The following AP3B1 variants were observed in gnomAD, a reference collection of about 807,000 sequenced individuals.
The protein encoded by AP3B1 is adaptor related protein complex 3 subunit beta 1.
AP3B1 carries 61 observed loss-of-function variants against 132.5 expected under a neutral mutation model. The ratio of observed to expected loss-of-function variants is 0.46; its 90% CI spans 0.37 to 0.57. The LOEUF (loss-of-function observed/expected upper bound fraction) is 0.57, where lower values mean the gene tolerates loss of function less well. Ranked by LOEUF, AP3B1 falls within the 20% of genes least tolerant of loss-of-function variation. AP3B1 has a pLI of 0.00. For missense variants in AP3B1, 1,120 were observed against 1,289.4 expected, an observed-to-expected ratio of 0.87 and a Z score of 2.01; for synonymous variants, 388 against 438.3, an observed-to-expected ratio of 0.89 and a Z score of 1.43.
chr5:78,264,055 G>A (rs1379576241), intron 2 of AP3B1, among the ~76,000 whole-genome samples: 1 of 152,088 alleles, frequency 6.6e-6, no homozygotes, highest in Non-Finnish European at 1.5e-5. Context: ...GTAAGCTTGT[G>A]TAAGTATACT....
chr5:78,194,448 C>T (rs994388526), intron 7 of AP3B1, among the ~76,000 whole-genome samples: 14 of 152,216 alleles, frequency 9.2e-5, no homozygotes, highest in African/African-American at 3.4e-4. Flanking sequence ...ATTTCTAATT[C>T]GTACTAATTA....
intron 1 of AP3B1, among the ~76,000 whole-genome samples, chr5:78,276,942 A>G (rs191502292): frequency 7.3e-4 from 111 of 151,864 alleles, no homozygotes; most frequent in Non-Finnish European, 1.4e-3. Context: ...TTAAAAATCA[A>G]TGATCTAAGT....
At chr5:78,010,808 T>C (rs566320892) in intron 26 of AP3B1, among the ~76,000 whole-genome samples, 2 of 152,288 alleles carry the variant, frequency 1.3e-5, no homozygotes, top group South Asian at 4.1e-4. Context: ...ACTTTATTTA[T>C]GTATTAGTTT....
At position 78,175,783 on chromosome 5, in the gene AP3B1, CCTTT is replaced by C; in HGVS notation, c.1092_1095del (p.Lys365GlyfsTer7). On this transcript the variant is annotated frameshift_variant and splice_region_variant, in exon 10 of 27. Coordinates refer to ENST00000255194, the MANE Select transcript of AP3B1 (RefSeq NM_003664.5). LOFTEE classifies it high-confidence loss of function. ...AAATTACGTGTTCAGAACATACATACCTTTCTTTGAATTGACATAGTTGCTATAT... is the reference window on the plus strand; with the variant it reads ...AAATTACGTGTTCAGAACATACATACCTTTGAATTGACATAGTTGCTATAT... 1 of 1,612,016 alleles carries C rather than the reference CCTTT, an allele frequency of 6.2e-7. No homozygotes were observed.
intron 8 of AP3B1, among the ~76,000 whole-genome samples, chr5:78,178,584 G>A (rs1308516632): frequency 1.3e-5 from 2 of 152,132 alleles, no homozygotes; most frequent in African/African-American, 4.8e-5. Context: ...TCATGCCACT[G>A]CACTCCAGCC....
At chr5:78,000,751 T>C (rs1057324071), downstream of AP3B1, 4 of 152,190 alleles carry the variant, frequency 2.6e-5, no homozygotes, top group Non-Finnish European at 5.9e-5. Flanking sequence ...GAATTCAACA[T>C]TGACTAACTC....
chr5:78,236,027 G>A (rs1163373666), intron 3 of AP3B1, among the ~76,000 whole-genome samples: 1 of 151,944 alleles, frequency 6.6e-6, no homozygotes, highest in Admixed American at 6.6e-5. Flanking sequence ...AACATTAAAG[G>A]CTTAACCATG....
intron 22 of AP3B1, chr5:78,043,633 C>T: frequency 2.1e-6 from 1 of 486,812 alleles, no homozygotes; most frequent in South Asian, 1.6e-5. Context: ...TGCCAATGGG[C>T]TCTCCATGGT....
chr5:78,232,427 C>G (rs1210833292), intron 3 of AP3B1, among the ~76,000 whole-genome samples: 1 of 152,152 alleles, frequency 6.6e-6, no homozygotes, highest in Non-Finnish European at 1.5e-5. Context: ...GCCAATCAAT[C>G]AAGAGCAGTC....
intron 22 of AP3B1, among the ~76,000 whole-genome samples, chr5:78,044,957 C>A (rs1748259829): frequency 6.6e-6 from 1 of 152,166 alleles, no homozygotes; most frequent in South Asian, 2.1e-4. Context: ...TCTAAAAAGG[C>A]CCTCCCTTAC....
At chr5:78,243,174 C>A (rs77381446) in intron 2 of AP3B1, among the ~76,000 whole-genome samples, 1,581 of 152,228 alleles carry the variant, frequency 0.01, 28 homozygotes, top group African/African-American at 0.036. Context: ...TTACAAAATA[C>A]TGAAGCTAAG....
intron 1 of AP3B1, among the ~76,000 whole-genome samples, chr5:78,280,365 T>G (rs1748997768): frequency 6.6e-6 from 1 of 152,210 alleles, no homozygotes; most frequent in African/African-American, 2.4e-5. Context: ...TGGTTAACAT[T>G]ATCTCATGTA....
intron 7 of AP3B1, among the ~76,000 whole-genome samples, chr5:78,199,971 G>GA (rs1251642040): frequency 6.6e-6 from 1 of 151,932 alleles, no homozygotes; most frequent in Non-Finnish European, 1.5e-5. Flanking sequence ...AGTCACTGGG[G>GA]AAAAAAATCA....
intron 6 of AP3B1, among the ~76,000 whole-genome samples, chr5:78,217,615 T>C (rs1746016402): frequency 6.6e-6 from 1 of 152,138 alleles, no homozygotes; most frequent in South Asian, 2.1e-4. Flanking sequence ...AGAAATTACA[T>C]TTTGTGATAA....
chr5:78,013,788 G>T (rs1046654217), intron 26 of AP3B1, among the ~76,000 whole-genome samples: 26 of 152,128 alleles, frequency 1.7e-4, no homozygotes, highest in African/African-American at 6.3e-4. Context: ...GTATTTTTGT[G>T]GTGGTCTGTA....
intron 1 of AP3B1, among the ~76,000 whole-genome samples, chr5:78,275,324 T>C (rs1748727124): frequency 6.6e-6 from 1 of 152,194 alleles, no homozygotes; most frequent in African/African-American, 2.4e-5. Flanking sequence ...AAATAAAAGC[T>C]GAAGATCTGC....
chr5:78,260,868 T>C (rs1748061737), intron 2 of AP3B1, among the ~76,000 whole-genome samples: 1 of 38,130 alleles, frequency 2.6e-5, no homozygotes, highest in Admixed American at 2.5e-4. Context: ...CAATTTTTTG[T>C]GTGTGTGTGT....
At chr5:78,134,831 C>G (rs1752844198) in intron 15 of AP3B1, among the ~76,000 whole-genome samples, 1 of 152,202 alleles carries the variant, frequency 6.6e-6, no homozygotes, top group Non-Finnish European at 1.5e-5. Context: ...GCGTGAGCCA[C>G]TGTGCCCAGC....
rs563371645 is a variant in AP3B1 at position 78,256,518 on chromosome 5, G to A, written c.204+11002C>T. 8.5e-5 allele frequency among the ~76,000 whole-genome samples: 13 copies of A among 152,084 alleles called. No individual in the cohort carries two copies. In the East Asian group the frequency reaches 1.7e-3, roughly 20 times the overall value. On this transcript the variant is annotated intron_variant, in intron 2 of 26. Coordinates refer to ENST00000255194, the MANE Select transcript of AP3B1 (RefSeq NM_003664.5). ...CCCAATATCAAATCACAAGATGAAA[G>A]CTGTAATAAAAAGTCTCCCACTGAA...
Sources: allele counts gnomAD v4.1 joint callset (sites outside exome capture counted in the v4.1 genomes callset), GRCh38; gene constraint gnomAD v4.1.1; transcripts MANE v1.5; gene names NCBI Gene and HGNC (gene_info 2026-07-23, HGNC 2026-07-21).